Variants in ROCK1 observed in about 807,000 individuals in gnomAD.
ROCK1 encodes the protein rho-associated protein kinase 1.
In ROCK1, 36 loss-of-function variants were observed where a neutral mutation model predicts 196.8. That is an observed-to-expected ratio of 0.18 (90% CI 0.14 to 0.24). The LOEUF (loss-of-function observed/expected upper bound fraction) is 0.24, where lower values mean the gene tolerates loss of function less well. ROCK1 is among the 10% of genes least tolerant of loss of function. The probability of loss-of-function intolerance (pLI) is 1.00; values close to 1 mark genes in which losing one functional copy is unlikely to be tolerated. For synonymous variants in ROCK1, 443 were observed against 515.9 expected, an observed-to-expected ratio of 0.86 and a Z score of 1.91; for missense variants, 920 against 1,562.0, an observed-to-expected ratio of 0.59 and a Z score of 6.93.
At chr18:20,991,087 T>A in intron 18 of ROCK1, 89 bp downstream of exon 18, 1 of 985,550 alleles carries the variant, frequency 1.0e-6, no homozygotes, top group African/African-American at 1.6e-5. Context: ...TTTCTACGAG[T>A]TAAAGAGTAC....
chr18:21,108,843 G>A (rs968817555), intron 1 of ROCK1, among the ~76,000 whole-genome samples: 3 of 152,026 alleles, frequency 2.0e-5, no homozygotes, highest in South Asian at 4.1e-4. Flanking sequence ...ATCCTAGCAC[G>A]GTCTTATTTA....
chr18:21,015,530 C>T (rs1167252822), intron 12 of ROCK1, 51 bp from the exon 13 acceptor site: 3 of 1,172,940 alleles, frequency 2.6e-6, no homozygotes, highest in Non-Finnish European at 2.5e-6. Context: ...TTCTTATTGC[C>T]CAGTGTTAAA....
At chr18:21,015,014 A>AT (rs2035851127) in intron 13 of ROCK1, among the ~76,000 whole-genome samples, 1 of 152,224 alleles carries the variant, frequency 6.6e-6, no homozygotes, top group Admixed American at 6.5e-5. Context: ...TAAAATCAAT[A>AT]TATTTTCCAT....
At position 21,028,779 on chromosome 18, in the gene ROCK1, C is replaced by G; in HGVS notation, c.1208G>C (p.Arg403Pro). 1.2e-6 allele frequency: 2 copies of G among 1,604,176 alleles called. No individual in the cohort carries two copies. The highest frequency in any genetic ancestry group is 1.7e-6 in the Non-Finnish European group (2 of 1,177,326). Residue 403 changes from arginine (R) to proline (P), a missense_variant, in exon 10 of 33, where the codon CGT (arginine) becomes CCT (proline). Around this residue, in one of 6 missense-constraint regions of ROCK1, gnomAD observed 520 missense variants for 657.1 expected, o/e 0.79. Coordinates refer to ENST00000399799, the MANE Select transcript of ROCK1 (RefSeq NM_005406.3). Reference sequence around the variant, plus strand: ...AATCACTGTTTAGCATACTTACCTACGATTGCTATAATATGTAAATCCTAC... The same window carrying G: ...AATCACTGTTTAGCATACTTACCTAGGATTGCTATAATATGTAAATCCTAC... The part of the protein sequence containing the change: ...PFVGFTYYSN[R>P]RYLSSANPND...
At chr18:21,043,072 C>T (rs1246365958) in intron 6 of ROCK1, among the ~76,000 whole-genome samples, 2 of 152,026 alleles carry the variant, frequency 1.3e-5, no homozygotes, top group Non-Finnish European at 2.9e-5. Flanking sequence ...TATCATGAAA[C>T]CATTTAACTG....
chr18:21,073,870 A>G (rs2036408047), intron 1 of ROCK1, among the ~76,000 whole-genome samples: 1 of 152,196 alleles, frequency 6.6e-6, no homozygotes, highest in Non-Finnish European at 1.5e-5. Flanking sequence ...TAAGTCCCTT[A>G]GGCCAGATGC....
chr18:20,965,623 C>T (rs2035367289), intron 27 of ROCK1, among the ~76,000 whole-genome samples: 1 of 152,104 alleles, frequency 6.6e-6, no homozygotes, highest in Admixed American at 6.6e-5. Context: ...ATGATTAAGT[C>T]TAACTTTAGA....
intron 16 of ROCK1, among the ~76,000 whole-genome samples, chr18:20,998,084 G>T (rs541430577): frequency 6.6e-6 from 1 of 151,996 alleles, no homozygotes; most frequent in African/African-American, 2.4e-5. Context: ...TGATCCACCC[G>T]CCTCGGCCTC....
In ROCK1 at chr18:20,991,286, T is replaced by G; in HGVS notation, c.2033A>C (p.Lys678Thr). The G allele has an allele frequency of 6.2e-7, 1 of 1,606,072 alleles. No homozygotes were observed. Among genetic ancestry groups the G allele is most frequent in the Non-Finnish European group, 8.5e-7 (1 of 1,174,742 alleles). The stretch of plus-strand genomic sequence containing the variant: ...TTGTTCTAACCGTTGTTGTAATGAT[T>G]TAAGTTTGTAGTTTAAATCTATCTC... ...NLEIDLNYKL[K>T]SLQQRLEQEV... The change falls in exon 18 of 33, where the codon AAA (lysine) becomes ACA (threonine). Residue 678 changes from lysine to threonine, a missense_variant. Physicochemically the swap from Lys to Thr is moderately conservative, Grantham distance 78. This residue lies in a region of ROCK1 where 520 missense variants were observed against 657.1 expected (regional missense o/e 0.79). Coordinates refer to ENST00000399799, the MANE Select transcript of ROCK1 (RefSeq NM_005406.3).
In ROCK1 at chr18:21,008,049, G is replaced by T; in HGVS notation, c.1546+10C>A. The T allele has an allele frequency of 6.3e-7, 1 of 1,578,244 alleles. No individual in the cohort carries two copies. The highest frequency in any genetic ancestry group is 1.2e-5 in the South Asian group (1 of 85,694). The stretch of plus-strand genomic sequence containing the variant: ...AATTCTATCATTTTTCAAAAGTAGT[G>T]ACAATTTACCTTCATTTTCTACATT... On this transcript the variant is annotated intron_variant, in intron 14 of 32. Transcript: ENST00000399799.
intron 27 of ROCK1, among the ~76,000 whole-genome samples, chr18:20,965,404 TATACATACATAC>T (rs35001699): frequency 0.017 from 2,549 of 146,800 alleles, 30 homozygotes; most frequent in African/African-American, 0.038. Flanking sequence ...TACATACATA[TATACATACATAC>T]ATACATACAT....
intron 5 of ROCK1, chr18:21,044,991 G>A (rs1302991722): frequency 5.1e-6 from 1 of 194,228 alleles, no homozygotes; most frequent in Admixed American, 6.1e-5. Flanking sequence ...CTCCCAAGGA[G>A]CTGGGACCAC....
intron 1 of ROCK1, among the ~76,000 whole-genome samples, chr18:21,077,194 C>T (rs1240858257): frequency 1.3e-5 from 2 of 151,572 alleles, no homozygotes; most frequent in African/African-American, 4.9e-5. Flanking sequence ...AGGATGGTCT[C>T]GATCTCCTGA....
intron 1 of ROCK1, among the ~76,000 whole-genome samples, chr18:21,074,095 C>T (rs1004215839): frequency 2.0e-5 from 3 of 152,110 alleles, no homozygotes; most frequent in Non-Finnish European, 4.4e-5. Context: ...GAGCTCAAGG[C>T]TACAGTAATC....
At chr18:21,034,385 G>A (rs2036038984) in intron 9 of ROCK1, among the ~76,000 whole-genome samples, 1 of 152,146 alleles carries the variant, frequency 6.6e-6, no homozygotes, top group South Asian at 2.1e-4. Flanking sequence ...CACATTTCCT[G>A]ATTTCAAAAC....
chr18:21,094,662 T>A (rs1180569941), intron 1 of ROCK1, among the ~76,000 whole-genome samples: 2 of 150,340 alleles, frequency 1.3e-5, no homozygotes, highest in Non-Finnish European at 2.9e-5. Flanking sequence ...GGTGAGAGAA[T>A]CATCTGAGCC....
chr18:20,960,231 T>TAGTC (rs774848118), intron 27 of ROCK1, 25 bp from the exon 28 acceptor site: 1 of 1,334,660 alleles, frequency 7.5e-7, no homozygotes, highest in Non-Finnish European at 1.1e-6. Context: ...ATATATGTAT[T>TAGTC]AGTCAGTCTT....
At chr18:21,024,688 T>C (rs1469041125) in intron 10 of ROCK1, among the ~76,000 whole-genome samples, 1 of 152,234 alleles carries the variant, frequency 6.6e-6, no homozygotes, top group African/African-American at 2.4e-5. Flanking sequence ...AAGTATCCAT[T>C]AAGTATCAAT....
intron 2 of ROCK1, among the ~76,000 whole-genome samples, chr18:21,054,089 C>T (rs537448583): frequency 2.0e-5 from 3 of 152,244 alleles, no homozygotes; most frequent in East Asian, 1.9e-4. Flanking sequence ...ATACACAATA[C>T]ATTTTTTAAA....
Sources: gnomAD v4.1 joint callset for allele counts (sites outside exome capture counted in the v4.1 genomes callset) on GRCh38, gnomAD v4.1.1 for gene constraint, gnomAD v4.1.1 regional missense constraint, MANE v1.5 for transcripts, NCBI Gene and HGNC (gene_info 2026-07-23, HGNC 2026-07-21) for gene names.